Variants in TRIOBP observed in about 807,000 individuals in gnomAD.
TRIOBP encodes the protein TRIO and F-actin-binding protein.
In TRIOBP, 169 loss-of-function variants were observed where a neutral mutation model predicts 238.8. The ratio of observed to expected loss-of-function variants is 0.71; its 90% CI spans 0.62 to 0.80. The LOEUF is 0.80. Ranked by LOEUF, TRIOBP falls within the 30% of genes least tolerant of loss-of-function variation. The probability of loss-of-function intolerance (pLI) is 0.00; values close to 1 mark genes in which losing one functional copy is unlikely to be tolerated. For missense variants in TRIOBP, 2,838 were observed against 3,122.6 expected (o/e 0.91, Z 2.17); for synonymous variants, 1,150 against 1,274.4 (o/e 0.90, Z 2.08).
chr22:37,735,192 A>C lies in TRIOBP; in HGVS notation c.4856A>C (p.Asn1619Thr). 6.2e-7 allele frequency: 1 copy of C among 1,609,404 alleles called. No homozygotes were observed. The highest frequency in any genetic ancestry group is 8.5e-7 in the Non-Finnish European group (1 of 1,176,982). The change falls in exon 9 of 24, where the codon AAC becomes ACC. Residue 1619 changes from asparagine (N) to threonine (T), a missense_variant. Asn to Thr is a moderately conservative substitution (Grantham distance 65, BLOSUM62 0). Coordinates refer to ENST00000644935, the MANE Select transcript of TRIOBP (RefSeq NM_001039141.3). ...LGPELGPPGT[N>T]DVPEQESHSQ... ...CCAGAGCTGGGTCCCCCAGGCACAA[A>C]CGATGTCCCTGAGCAGGAGTCACAC... is the stretch of plus-strand genomic sequence containing the variant.
In TRIOBP at chr22:37,723,446, A is replaced by G; in HGVS notation, c.890A>G (p.Gln297Arg). 6.2e-7 allele frequency: 1 copy of G among 1,612,388 alleles called. No individual in the cohort carries two copies. ...RDTSRASSTQ[Q>R]EISRASSTQQ... ...ACCTCCAGGGCCTCATCCACCCAACAGGAAATCTCCAGGGCCTCATCCACC... is the reference window on the plus strand; with the variant it reads ...ACCTCCAGGGCCTCATCCACCCAACGGGAAATCTCCAGGGCCTCATCCACC... Residue 297 changes from glutamine (Q) to arginine (R), a missense_variant, in exon 7 of 24, where the codon CAG (glutamine) becomes CGG (arginine). Gln to Arg is a conservative substitution (Grantham distance 43). Around this residue, in one of 5 missense-constraint regions of TRIOBP, gnomAD observed 535 missense variants for 537.3 expected, o/e 1.00. Coordinates refer to ENST00000644935, the MANE Select transcript of TRIOBP (RefSeq NM_001039141.3).
At chr22:37,730,477 C>T (rs1924369639) in intron 7 of TRIOBP, among the ~76,000 whole-genome samples, 2 of 152,188 alleles carry the variant, frequency 1.3e-5, no homozygotes, top group African/African-American at 4.8e-5. Flanking sequence ...TGCTTCCCTG[C>T]ACCGGGTGTT....
intron 6 of TRIOBP, among the ~76,000 whole-genome samples, chr22:37,716,685 A>C (rs916345564): frequency 1.3e-5 from 2 of 152,228 alleles, no homozygotes; most frequent in African/African-American, 4.8e-5. Flanking sequence ...GTGAGCCACT[A>C]TGCCTGGCCT....
chr22:37,704,893 C>T (rs1349832738), intron 3 of TRIOBP, among the ~76,000 whole-genome samples: 3 of 124,432 alleles, frequency 2.4e-5, no homozygotes, highest in Non-Finnish European at 5.2e-5. Flanking sequence ...ACAGTGAGAC[C>T]CCATTTCTAC....
chr22:37,758,326 G>GGTTTT (rs1157645720), intron 16 of TRIOBP, among the ~76,000 whole-genome samples, 188 bp downstream of exon 16: 1 of 152,160 alleles, frequency 6.6e-6, no homozygotes, highest in Non-Finnish European at 1.5e-5. Context: ...AGTTTGGTTT[G>GGTTTT]GTTTTGTTTT....
chr22:37,729,615 A>G (rs1400116382), intron 7 of TRIOBP, among the ~76,000 whole-genome samples: 1 of 152,210 alleles, frequency 6.6e-6, no homozygotes, highest in Non-Finnish European at 1.5e-5. Context: ...TTTCCAGGAT[A>G]ATTTCAGAGA....
rs1924564091 is a variant in TRIOBP at position 37,734,471 on chromosome 22, CCTGAGA to C, written c.4136_4141del (p.Pro1379_Lys1381delinsGln). ...AGCAGAGCCCCCTCATCCTTGGAGTCCTGAGAAGAGACCTGAGGGAGATCGGCAGCT... is the reference window on the plus strand; with the variant it reads ...AGCAGAGCCCCCTCATCCTTGGAGTCAGAGACCTGAGGGAGATCGGCAGCT... On this transcript the variant is annotated inframe_deletion, in exon 9 of 24. Transcript: ENST00000644935. 10 of 1,612,694 alleles carry C rather than the reference CCTGAGA, an allele frequency of 6.2e-6. No homozygotes were observed. The highest frequency in any genetic ancestry group is 8.5e-6 in the Non-Finnish European group (10 of 1,179,798).
intron 19 of TRIOBP, among the ~76,000 whole-genome samples, chr22:37,768,669 C>T (rs977806500): frequency 3.3e-5 from 5 of 152,052 alleles, no homozygotes; most frequent in East Asian, 1.9e-4. Context: ...AATGTGGTGG[C>T]GGGAGCCTGC....
rs183935070 is a variant in TRIOBP, at chr22:37,723,414, A to G, written c.858A>G (p.Gln286=). The G allele has an allele frequency of 1.9e-6, 3 of 1,613,344 alleles. No individual in the cohort carries two copies. Among genetic ancestry groups the G allele is most frequent in the Non-Finnish European group, 2.5e-6 (3 of 1,179,828 alleles). ...CCTCCTCTCCCCATCGAATCACCCA[A>G]AGGGACACCTCCAGGGCCTCATCCA... ...PRASSPHRIT[Q]RDTSRASSTQ... Residue 286 remains glutamine (Q), a synonymous_variant, in exon 7 of 24, where the codon CAA becomes CAG. Transcript: ENST00000644935.
intron 15 of TRIOBP, 108 bp downstream of exon 15, chr22:37,755,767 C>T (rs1925887271): frequency 2.2e-5 from 19 of 878,798 alleles, no homozygotes; most frequent in Non-Finnish European, 3.6e-5. Context: ...GCCCTCGTTT[C>T]TCTGTCAACA....
rs192483238 is a variant in TRIOBP at position 37,771,908 on chromosome 22, G to T, written c.6936+172G>T. 2,691 of 714,044 alleles carry T rather than the reference G, an allele frequency of 3.8e-3. 6 individuals are homozygous for T. Among genetic ancestry groups the T allele is most frequent in the Non-Finnish European group, 5.4e-3 (2,126 of 394,314 alleles). 44.2% of individuals were successfully genotyped at this position (714,044 alleles called of 1,614,324 possible). A position where few individuals can be genotyped will look rare whatever the true frequency, so the allele number is the denominator to read the frequency against. On this transcript the variant is annotated intron_variant, in intron 22 of 23. Coordinates refer to ENST00000644935, the MANE Select transcript of TRIOBP (RefSeq NM_001039141.3). Reference sequence around the variant, plus strand: ...CCCCATTCACTGACAGGGAAACTGAGACTAAGAAAGGGGAAGTGACTTCCC... The same window carrying T: ...CCCCATTCACTGACAGGGAAACTGATACTAAGAAAGGGGAAGTGACTTCCC...
chr22:37,753,591 T>C (rs950569991), intron 12 of TRIOBP, among the ~76,000 whole-genome samples: 3 of 152,232 alleles, frequency 2.0e-5, no homozygotes, highest in African/African-American at 7.2e-5. Context: ...AGGGACTTCT[T>C]AGTAGCCCTA....
chr22:37,721,071 G>A (rs1471467361), intron 6 of TRIOBP, among the ~76,000 whole-genome samples: 6 of 145,088 alleles, frequency 4.1e-5, no homozygotes, highest in East Asian at 2.0e-4. Flanking sequence ...GGGTTTCACC[G>A]TGTTAGCAGG....
At chr22:37,740,137 A>G (rs780219404) in intron 10 of TRIOBP, among the ~76,000 whole-genome samples, 18 of 152,138 alleles carry the variant, frequency 1.2e-4, no homozygotes, top group Non-Finnish European at 2.1e-4. Flanking sequence ...CCTACCCCCA[A>G]AGCCCTCCTG....
chr22:37,722,684 G>A (rs931139562), intron 6 of TRIOBP, among the ~76,000 whole-genome samples: 1 of 152,134 alleles, frequency 6.6e-6, no homozygotes, highest in Non-Finnish European at 1.5e-5. Flanking sequence ...CCGAGATCAC[G>A]CCACTGCACT....
intron 6 of TRIOBP, 126 bp from the exon 7 acceptor site, chr22:37,723,059 G>A: frequency 1.1e-6 from 1 of 909,192 alleles, no homozygotes; most frequent in Non-Finnish European, 1.7e-6. Context: ...GGTACAGACA[G>A]TGAGACCTGT....
Position 37,757,831 on chromosome 22 carries a change from T to G in TRIOBP, c.5906T>G (p.Leu1969Arg), listed in dbSNP as rs1489693244. 5 of 1,549,960 alleles carry G rather than the reference T, an allele frequency of 3.2e-6. No individual in the cohort carries two copies. The highest frequency in any genetic ancestry group is 3.5e-6 in the Non-Finnish European group (4 of 1,146,552). The change falls in exon 16 of 24, where the codon CTG becomes CGG. Residue 1969 changes from leucine to arginine, a missense_variant. This residue lies in a region of TRIOBP where 2,096 missense variants were observed against 2,137.4 expected (regional missense o/e 0.98). Transcript: ENST00000644935. Reference protein sequence around the residue: ...ARTPARTPDRLAKQEELERDL... With the variant: ...ARTPARTPDRRAKQEELERDL... ...ACCCCAGCCCGCACTCCTGACCGCCTGGCCAAGCAGGAGGAGCTGGAGCGG... is the reference window on the plus strand; with the variant it reads ...ACCCCAGCCCGCACTCCTGACCGCCGGGCCAAGCAGGAGGAGCTGGAGCGG...
chr22:37,765,480 C>G (rs1601665993), intron 17 of TRIOBP, among the ~76,000 whole-genome samples, 190 bp from the exon 18 acceptor site: 1 of 145,176 alleles, frequency 6.9e-6, no homozygotes, highest in East Asian at 2.0e-4. Context: ...GAGGCAGGAG[C>G]GACAAGGTGA....
rs964438873 is a variant in TRIOBP, at chr22:37,739,833, C to T, written c.5185-1062C>T. On this transcript the variant is annotated intron_variant, in intron 10 of 23. Transcript: ENST00000644935. ...CATATCCTGGAGCCAGAGTAGTGAACGAGGCGGAAACAGCAATGCCGGGGT... is the reference window on the plus strand; with the variant it reads ...CATATCCTGGAGCCAGAGTAGTGAATGAGGCGGAAACAGCAATGCCGGGGT... Among the ~76,000 whole-genome samples, 33 of 152,318 alleles carry T rather than the reference C, an allele frequency of 2.2e-4. 1 individual carries two copies. Among genetic ancestry groups the T allele is most frequent in the African/African-American group, 7.0e-4 (29 of 41,568 alleles).
Sources: gnomAD v4.1 joint callset for allele counts (sites outside exome capture counted in the v4.1 genomes callset) on GRCh38, gnomAD v4.1.1 for gene constraint, gnomAD v4.1.1 regional missense constraint, MANE v1.5 for transcripts, NCBI Gene and HGNC (gene_info 2026-07-23, HGNC 2026-07-21) for gene names.